MYH10: variants seen among roughly 807,000 people sequenced by gnomAD.
The protein encoded by MYH10 is myosin heavy chain 10.
MYH10 carries 55 observed loss-of-function variants against 257.8 expected under a neutral mutation model. The ratio of observed to expected loss-of-function variants is 0.21; its 90% CI spans 0.17 to 0.27. MYH10 has a LOEUF of 0.27. Ranked by LOEUF, MYH10 falls within the 10% of genes least tolerant of loss-of-function variation. The pLI, the probability that MYH10 is intolerant of heterozygous loss-of-function variation, is 1.00. For missense variants in MYH10, 1,631 were observed against 2,500.6 expected (o/e 0.65, Z 7.42); for synonymous variants, 854 against 921.7 (o/e 0.93, Z 1.33).
chr17:8,546,076 T>C (rs1408222704), intron 12 of MYH10, among the ~76,000 whole-genome samples: 3 of 151,942 alleles, frequency 2.0e-5, no homozygotes, highest in African/African-American at 7.3e-5. Context: ...TTTTTTTTTT[T>C]GATACGGAGT....
intron 21 of MYH10, among the ~76,000 whole-genome samples, chr17:8,516,332 T>C (rs537089295): frequency 6.6e-6 from 1 of 152,250 alleles, no homozygotes; most frequent in African/African-American, 2.4e-5. Context: ...ATTTTGACTA[T>C]TGTAAGCACT....
At chr17:8,562,026 G>A (rs1249593685) in intron 7 of MYH10, among the ~76,000 whole-genome samples, 1 of 152,172 alleles carries the variant, frequency 6.6e-6, no homozygotes, top group Non-Finnish European at 1.5e-5. Context: ...ATAAGCCAAA[G>A]CACTAACATG....
rs2081015490 is a variant in MYH10, at chr17:8,504,627, C to T, written c.3599+67G>A. The T allele has an allele frequency of 7.2e-7, 1 of 1,389,978 alleles. No homozygotes were observed. The highest frequency in any genetic ancestry group is 1.0e-6 in the Non-Finnish European group (1 of 995,048). 86.1% of individuals were successfully genotyped at this position (1,389,978 alleles called of 1,614,324 possible). A position where few individuals can be genotyped will look rare whatever the true frequency, so the allele number is the denominator to read the frequency against. ...TCCCAAAGATAGCAAGCACACCAGG[C>T]ATTTCTGCACGGGCTCGGTGGAGAG... On this transcript the variant is annotated intron_variant, in intron 28 of 42. Transcript: ENST00000360416. The surrounding 1 kb of genome is among the most constrained non-coding windows in gnomAD (Gnocchi z 5.6).
intron 4 of MYH10, among the ~76,000 whole-genome samples, chr17:8,584,549 T>G (rs2083824874): frequency 6.6e-6 from 1 of 152,340 alleles, no homozygotes; most frequent in Admixed American, 6.5e-5. Context: ...GGATACACAC[T>G]GTTGAACCAC....
intron 31 of MYH10, 112 bp from the exon 32 acceptor site, chr17:8,493,997 C>T (rs2277670): frequency 0.42 from 493,159 of 1,186,990 alleles, 102,346 homozygotes; most frequent in South Asian, 0.44. Flanking sequence ...TGCATGAGAA[C>T]GCCCAGTGAC....
intron 35 of MYH10, among the ~76,000 whole-genome samples, chr17:8,488,078 G>A (rs537048638): frequency 3.3e-5 from 5 of 152,178 alleles, no homozygotes; most frequent in Non-Finnish European, 5.9e-5. Flanking sequence ...AGCAGGAAAG[G>A]GGGGAGCAGT....
intron 4 of MYH10, among the ~76,000 whole-genome samples, chr17:8,581,703 T>A (rs1024141817): frequency 6.6e-6 from 1 of 152,226 alleles, no homozygotes; most frequent in Admixed American, 6.5e-5. Flanking sequence ...TACATAGGGT[T>A]GTTGAAGAAA....
chr17:8,570,642 C>T (rs542002212), intron 6 of MYH10, among the ~76,000 whole-genome samples: 16 of 152,130 alleles, frequency 1.1e-4, no homozygotes, highest in Non-Finnish European at 2.2e-4. Context: ...ATAAATCTTA[C>T]CCCTATATTT....
In MYH10 at chr17:8,474,265, T is replaced by C. The variant is rs1316214549; in HGVS notation, c.*1539A>G. 6.6e-6 allele frequency: 1 copy of C among 152,664 alleles called. No individual in the cohort carries two copies. The highest frequency in any genetic ancestry group is 2.4e-5 in the African/African-American group (1 of 41,470). The allele number at this position is 152,664 out of a possible 1,614,324, so 9.5% of individuals were successfully genotyped here. Reference sequence around the variant, plus strand: ...TCTCTTTATTCTCCACGGGTGCTTTTTTCTTCAAGTAAACAGAGCAGGCGC... The same window carrying C: ...TCTCTTTATTCTCCACGGGTGCTTTCTTCTTCAAGTAAACAGAGCAGGCGC... On this transcript the variant is annotated 3_prime_UTR_variant, in exon 43 of 43. Transcript: ENST00000360416.
intron 14 of MYH10, among the ~76,000 whole-genome samples, chr17:8,537,250 T>C (rs550023401): frequency 6.6e-6 from 1 of 152,236 alleles, no homozygotes; most frequent in Non-Finnish European, 1.5e-5. Context: ...TGAAATCAGC[T>C]GTTTGAGTAA....
chr17:8,536,422 A>G (rs954319004), intron 14 of MYH10, among the ~76,000 whole-genome samples: 4 of 152,260 alleles, frequency 2.6e-5, no homozygotes, highest in Admixed American at 2.6e-4. Flanking sequence ...AATATTTTAA[A>G]CTATTATTAA....
In MYH10 at chr17:8,492,904, G is replaced by A. The variant is rs759613007; in HGVS notation, c.4330C>T (p.Leu1444=). 1.2e-5 allele frequency: 19 copies of A among 1,613,992 alleles called. No individual in the cohort carries two copies. The highest frequency in any genetic ancestry group is 5.0e-5 in the Admixed American group (3 of 59,996). Residue 1444 remains leucine, a synonymous_variant, in exon 33 of 43, where the codon CTG becomes TTG. Coordinates refer to ENST00000360416, the MANE Select transcript of MYH10 (RefSeq NM_001256012.3). The stretch of plus-strand genomic sequence containing the variant: ...GTCTTCTCCAGTTTGTCATACGCCA[G>A]TGCCTTCTCCTCCAGGCGCTGGCTC... ...ALSQRLEEKA[L]AYDKLEKTKN... is the part of the protein sequence containing the mutation.
At position 8,492,410 on chromosome 17, in the gene MYH10, C is replaced by T; in HGVS notation, c.4558G>A (p.Ala1520Thr). The T allele has an allele frequency of 1.9e-6, 3 of 1,613,472 alleles. No individual in the cohort carries two copies. The highest frequency in any genetic ancestry group is 2.5e-6 in the Non-Finnish European group (3 of 1,180,040). ...REKETKALSLARALEEALEAK... is the reference protein window; with the variant it reads ...REKETKALSLTRALEEALEAK... ...TCCAGGGCTTCCTCGAGGGCCCGGG[C>T]CAGTGACAGGGCTTTGGTTTCTTTC... Residue 1520 changes from alanine to threonine, a missense_variant, in exon 34 of 43, where the codon GCC (alanine) becomes ACC (threonine). Physicochemically the swap from Ala to Thr is moderately conservative, Grantham distance 58. Around this residue, in one of 11 missense-constraint regions of MYH10, gnomAD observed 463 missense variants for 621.8 expected, o/e 0.74. Transcript: ENST00000360416.
intron 7 of MYH10, chr17:8,560,847 C>G (rs1363374666): frequency 5.3e-6 from 3 of 568,962 alleles, no homozygotes; most frequent in Non-Finnish European, 1.0e-5. Context: ...ATGGCAAGCA[C>G]AAGGTCTTTG....
intron 4 of MYH10, among the ~76,000 whole-genome samples, chr17:8,588,120 T>G (rs2083979952): frequency 2.0e-5 from 3 of 152,160 alleles, no homozygotes; most frequent in Non-Finnish European, 4.4e-5. Flanking sequence ...TCTTTGTGGT[T>G]CTTCCTCCTC....
rs145794551 is a variant in MYH10, at chr17:8,532,212, C to T, written c.1895-1527G>A. Among the ~76,000 whole-genome samples, 42 of 152,318 alleles carry T rather than the reference C, an allele frequency of 2.8e-4. No individual in the cohort carries two copies. The East Asian group carries it at 7.7e-3, about 28-fold the overall frequency. ...CAGAGGCTAGCAGAGCCAAAGCAAA[C>T]CTGGGGTAGATAAGATATCCCTTGG... On this transcript the variant is annotated intron_variant, in intron 16 of 42. Coordinates refer to ENST00000360416, the MANE Select transcript of MYH10 (RefSeq NM_001256012.3).
rs913922779 is a variant in MYH10 at position 8,569,350 on chromosome 17, A to G, written c.756+370T>C. Among the ~76,000 whole-genome samples, 8 of 152,358 alleles carry G rather than the reference A, an allele frequency of 5.3e-5. No individual in the cohort carries two copies. Among genetic ancestry groups the G allele is most frequent in the African/African-American group, 1.7e-4 (7 of 41,586 alleles). Reference sequence around the variant, plus strand: ...CTAATGCGTTGAATGTTTACTATGCATAGTGCCGGGCTAAGTGCTCAGCGT... The same window carrying G: ...CTAATGCGTTGAATGTTTACTATGCGTAGTGCCGGGCTAAGTGCTCAGCGT... On this transcript the variant is annotated intron_variant, in intron 7 of 42. Transcript: ENST00000360416. This position sits in a 1 kb window ranked among gnomAD's most constrained non-coding sequence, Gnocchi z 4.1.
In MYH10 at chr17:8,480,384, G is replaced by A; in HGVS notation, c.5388+18C>T. 6.2e-7 allele frequency: 1 copy of A among 1,613,186 alleles called. No homozygotes were observed. The highest frequency in any genetic ancestry group is 1.3e-5 in the African/African-American group (1 of 75,024). On this transcript the variant is annotated intron_variant, in intron 39 of 42. Transcript: ENST00000360416. ...GTGGCACAGCCCTCCCTGGGTGACG[G>A]GCTCCTGCATGGGCCACCTGTAGAG... is the stretch of plus-strand genomic sequence containing the variant.
chr17:8,602,023 C>T (rs539423517), intron 3 of MYH10, among the ~76,000 whole-genome samples: 5 of 150,938 alleles, frequency 3.3e-5, no homozygotes, highest in South Asian at 2.1e-4. Flanking sequence ...TCGCCCAGGC[C>T]GGACCACAGT....
Sources: gnomAD v4.1 joint callset for allele counts (sites outside exome capture counted in the v4.1 genomes callset) on GRCh38, gnomAD v4.1.1 for gene constraint, gnomAD v4.1.1 regional missense constraint, Gnocchi (gnomAD v3.1) non-coding constraint, MANE v1.5 for transcripts, NCBI Gene and HGNC (gene_info 2026-07-23, HGNC 2026-07-21) for gene names.